Variants in AGXT observed in about 807,000 individuals in gnomAD.
The protein encoded by AGXT is L-alanine: glyoxylate aminotransferase 1.
A neutral mutation model predicts 46.9 loss-of-function variants in AGXT; 41 were observed. The ratio of observed to expected loss-of-function variants is 0.88; its 90% CI spans 0.68 to 1.14. The LOEUF (loss-of-function observed/expected upper bound fraction) is 1.14, where lower values mean the gene tolerates loss of function less well. AGXT is among the 50% of genes most tolerant of loss of function. AGXT has a pLI of 0.00. For synonymous variants in AGXT, 244 were observed against 227.9 expected (o/e 1.07, Z -0.64); for missense variants, 525 against 522.7 (o/e 1.00, Z -0.04).
Position 240,879,321 on chromosome 2 carries a change from GGC to G in AGXT, c.*503_*504del. On this transcript the variant is annotated 3_prime_UTR_variant, in exon 11 of 11. Coordinates refer to ENST00000307503, the MANE Select transcript of AGXT (RefSeq NM_000030.3). ...GCACCACATCCAGGTGAACCCACAC[GGC>G]GCACAGGGCTGGTTGGAGACCCCTG... 5.1e-6 allele frequency: 1 copy of G among 197,204 alleles called. No homozygotes were observed. The highest frequency in any genetic ancestry group is 5.6e-5 in the Admixed American group (1 of 17,860). The allele number at this position is 197,204 out of a possible 1,614,324, so 12.2% of individuals were successfully genotyped here.
chr2:240,875,937 A>G lies in AGXT; in HGVS notation c.779A>G (p.Tyr260Cys), dbSNP rs1430414907. The change falls in exon 8 of 11, where the codon TAC (tyrosine) becomes TGC (cysteine). Residue 260 changes from tyrosine to cysteine, a missense_variant and splice_region_variant. Physicochemically the swap from Tyr to Cys is radical, Grantham distance 194. Coordinates refer to ENST00000307503, the MANE Select transcript of AGXT (RefSeq NM_000030.3). ...CCAAGCCCCCTCGTGTCTTCCAGGT[A>G]CCATCACACAATCCCCGTCATCAGC... ...FWGCDDQPRM[Y>C]HHTIPVISLY... 5 of 1,614,034 alleles carry G rather than the reference A, an allele frequency of 3.1e-6. No homozygotes were observed. Among genetic ancestry groups the G allele is most frequent in the African/African-American group, 2.7e-5 (2 of 74,918 alleles).
At chr2:240,875,294 A>T in intron 7 of AGXT, 90 bp downstream of exon 7, 1 of 1,149,064 alleles carries the variant, frequency 8.7e-7, no homozygotes, top group Non-Finnish European at 1.3e-6. Context: ...GGGATTCTCC[A>T]AGCCCCCCAC....
At position 240,878,108 on chromosome 2, in the gene AGXT, C is replaced by T. The variant is rs748054201; in HGVS notation, c.1029C>T (p.Phe343=). ...RDIVSYVIDH[F]DIEIMGGLGP... ...TCGTCAGCTACGTCATAGACCACTT[C>T]GACATTGAGATCATGGGTGGCCTTG... The change falls in exon 10 of 11, where the codon TTC becomes TTT. Residue 343 remains phenylalanine, a synonymous_variant. Transcript: ENST00000307503. The T allele has an allele frequency of 1.1e-5, 17 of 1,613,206 alleles. No individual in the cohort carries two copies. The highest frequency in any genetic ancestry group is 8.3e-5 in the Admixed American group (5 of 59,998).
chr2:240,873,821 T>C (rs2059004888), intron 5 of AGXT, among the ~76,000 whole-genome samples, 157 bp from the exon 6 acceptor site: 1 of 152,134 alleles, frequency 6.6e-6, no homozygotes, highest in Non-Finnish European at 1.5e-5. Context: ...AGTGCCCAGA[T>C]TTGAACCCAG....
chr2:240,871,475 C>T, intron 4 of AGXT, 26 bp downstream of exon 4: 1 of 1,550,828 alleles, frequency 6.4e-7, no homozygotes, highest in Non-Finnish European at 8.7e-7. Context: ...GGGCGGTGGA[C>T]TGGAGCACAG....
intron 4 of AGXT, among the ~76,000 whole-genome samples, chr2:240,872,706 C>T (rs1242432384): frequency 6.6e-6 from 1 of 152,074 alleles, no homozygotes; most frequent in African/African-American, 2.4e-5. Flanking sequence ...CACTGCCGGG[C>T]CCTGCAGCTG....
At position 240,877,784 on chromosome 2, in the gene AGXT, G is replaced by C. The variant is rs1442521984; in HGVS notation, c.942+152G>C. The C allele has an allele frequency of 2.9e-6, 3 of 1,019,384 alleles. No homozygotes were observed. The African/African-American group carries it at 4.9e-5, about 17-fold the overall frequency. The allele number at this position is 1,019,384 out of a possible 1,614,324, so 63.1% of individuals were successfully genotyped here. ...CGGTGCCAGGGATTAGTCTCGGCAG[G>C]AGCCACGAAGTCACAGCTCCCGGCC... is the stretch of plus-strand genomic sequence containing the variant. On this transcript the variant is annotated intron_variant, in intron 9 of 10. Coordinates refer to ENST00000307503, the MANE Select transcript of AGXT (RefSeq NM_000030.3).
Position 240,869,375 on chromosome 2 carries a change from C to A in AGXT, c.358+13C>A. 3 of 1,566,332 alleles carry A rather than the reference C, an allele frequency of 1.9e-6. No individual in the cohort carries two copies. Among genetic ancestry groups the A allele is most frequent in the South Asian group, 1.2e-5 (1 of 82,964 alleles). On this transcript the variant is annotated intron_variant, in intron 2 of 10. Coordinates refer to ENST00000307503, the MANE Select transcript of AGXT (RefSeq NM_000030.3). ...GGGGAGCGCATAGGTAAGGGAGAGG[C>A]CCAGGTGGGGATGGCCCTGGATCCA...
At chr2:240,873,833 A>G in intron 5 of AGXT, 145 bp from the exon 6 acceptor site, 1 of 774,496 alleles carries the variant, frequency 1.3e-6, no homozygotes, top group South Asian at 1.5e-5. Context: ...TGAACCCAGG[A>G]CTCCCTTCCA....
rs752243358 is a variant in AGXT, at chr2:240,874,127, A to AGGCGGGAGG, written c.680+74_680+82dup. The stretch of plus-strand genomic sequence containing the variant: ...GCTTGCAGGGAGCTCAGGTGGCCCG[A>AGGCGGGAGG]GGCGGGAGGGGCGGGAGCCAGGCAG... On this transcript the variant is annotated intron_variant, in intron 6 of 10. Coordinates refer to ENST00000307503, the MANE Select transcript of AGXT (RefSeq NM_000030.3). 2.0e-3 allele frequency: 3,044 copies of AGGCGGGAGG among 1,527,948 alleles called. 8 individuals are homozygous for AGGCGGGAGG. The highest frequency in any genetic ancestry group is 2.2e-3 in the Non-Finnish European group (2,423 of 1,106,130). 94.6% of individuals were successfully genotyped at this position (1,527,948 alleles called of 1,614,324 possible).
At chr2:240,875,439 CACAA>C (rs1414940329) in intron 7 of AGXT, among the ~76,000 whole-genome samples, 2 of 152,252 alleles carry the variant, frequency 1.3e-5, no homozygotes, top group Non-Finnish European at 2.9e-5. Flanking sequence ...CTGCCGCTTC[CACAA>C]ACACTGTCCC....
intron 7 of AGXT, 76 bp downstream of exon 7, chr2:240,875,280 C>T: frequency 8.1e-7 from 1 of 1,237,344 alleles, no homozygotes. Flanking sequence ...TCTCACTGCA[C>T]TCAGGGATTC....
intron 1 of AGXT, 38 bp downstream of exon 1, chr2:240,869,068 C>T: frequency 6.2e-7 from 1 of 1,608,048 alleles, no homozygotes; most frequent in Non-Finnish European, 8.5e-7. Flanking sequence ...TGGGTCTCAC[C>T]CATGTTCCCA....
At chr2:240,872,677 G>T (rs904050156) in intron 4 of AGXT, among the ~76,000 whole-genome samples, 1 of 152,048 alleles carries the variant, frequency 6.6e-6, no homozygotes. Context: ...CAGACTGCCC[G>T]GCTGACCCTC....
intron 7 of AGXT, among the ~76,000 whole-genome samples, chr2:240,875,691 C>T (rs758902253): frequency 1.3e-5 from 2 of 152,218 alleles, no homozygotes; most frequent in African/African-American, 2.4e-5. Flanking sequence ...GGTGGTGGCA[C>T]GTGTCTCTGC....
chr2:240,877,910 T>TC, intron 9 of AGXT, 112 bp from the exon 10 acceptor site: 1 of 1,479,668 alleles, frequency 6.8e-7, no homozygotes, highest in Non-Finnish European at 9.2e-7. Flanking sequence ...CGGCCCTTTC[T>TC]CCCCCGGCTC....
chr2:240,871,593 G>A (rs1481386606), intron 4 of AGXT, 144 bp downstream of exon 4: 4 of 787,232 alleles, frequency 5.1e-6, no homozygotes, highest in Non-Finnish European at 8.4e-6. Flanking sequence ...GCACCTCCCA[G>A]GTCCTCTTTG....
At chr2:240,875,051 GC>G in intron 6 of AGXT, 57 bp from the exon 7 acceptor site, 1 of 1,450,286 alleles carries the variant, frequency 6.9e-7, no homozygotes, top group Non-Finnish European at 9.7e-7. Flanking sequence ...CAGCGAGACT[GC>G]CCTGGCCTTC....
intron 6 of AGXT, 78 bp downstream of exon 6, chr2:240,874,140 G>A (rs1202490985): frequency 1.2e-5 from 17 of 1,443,078 alleles, no homozygotes; most frequent in Admixed American, 8.6e-5. Flanking sequence ...CGGGAGGGGC[G>A]GGAGCCAGGC....
Sources: gnomAD v4.1 joint callset for allele counts (sites outside exome capture counted in the v4.1 genomes callset) on GRCh38, gnomAD v4.1.1 for gene constraint, MANE v1.5 for transcripts, NCBI Gene and HGNC (gene_info 2026-07-23, HGNC 2026-07-21) for gene names.